The following ATP6V1A variants were observed in gnomAD, a reference collection of about 807,000 sequenced individuals.
ATP6V1A encodes V-type proton ATPase catalytic subunit A.
ATP6V1A carries 18 observed loss-of-function variants against 70.1 expected under a neutral mutation model. The ratio of observed to expected loss-of-function variants is 0.26; its 90% CI spans 0.18 to 0.38. The LOEUF (loss-of-function observed/expected upper bound fraction) is 0.38, where lower values mean the gene tolerates loss of function less well. ATP6V1A is among the 10% of genes least tolerant of loss of function. The pLI, the probability that ATP6V1A is intolerant of heterozygous loss-of-function variation, is 1.00. For synonymous variants in ATP6V1A, 232 were observed against 253.8 expected (o/e 0.91, Z 0.82); for missense variants, 424 against 772.4 (o/e 0.55, Z 5.35).
In ATP6V1A at chr3:113,795,268, A is replaced by C. The variant is rs533424896; in HGVS notation, c.1226+64A>C. ...GTCACAGATGTATTAAAGAGAGAAA[A>C]AAAGTCACTTATTTTAAAGAGAGAA... On this transcript the variant is annotated intron_variant, in intron 10 of 14. Transcript: ENST00000273398. 39 of 1,514,588 alleles carry C rather than the reference A, an allele frequency of 2.6e-5. No homozygotes were observed. In the East Asian group the frequency reaches 8.5e-4, roughly 33 times the overall value. 93.8% of individuals were successfully genotyped at this position (1,514,588 alleles called of 1,614,324 possible). A position where few individuals can be genotyped will look rare whatever the true frequency, so the allele number is the denominator to read the frequency against.
At chr3:113,804,534 T>C (rs1395994351) in intron 13 of ATP6V1A, among the ~76,000 whole-genome samples, 1 of 152,132 alleles carries the variant, frequency 6.6e-6, no homozygotes, top group African/African-American at 2.4e-5. Flanking sequence ...GGTTATCTTT[T>C]CTCCCTCAAA....
chr3:113,789,642 G>A (rs1362371844), intron 7 of ATP6V1A, 90 bp from the exon 8 acceptor site: 2 of 921,668 alleles, frequency 2.2e-6, no homozygotes, highest in Admixed American at 2.4e-5. Flanking sequence ...ATTAAATATG[G>A]GCAAAAGTTT....
intron 1 of ATP6V1A, among the ~76,000 whole-genome samples, chr3:113,778,168 T>C (rs1016841230): frequency 2.0e-5 from 3 of 151,608 alleles, no homozygotes; most frequent in African/African-American, 7.3e-5. Flanking sequence ...CTGAGGTGGG[T>C]GGATCACTTG....
chr3:113,790,951 AG>A (rs1709086172), intron 8 of ATP6V1A, among the ~76,000 whole-genome samples: 1 of 151,932 alleles, frequency 6.6e-6, no homozygotes, highest in Non-Finnish European at 1.5e-5. Flanking sequence ...TTCCTTTTGT[AG>A]GTGATTTTTC....
intron 14 of ATP6V1A, among the ~76,000 whole-genome samples, chr3:113,806,191 A>T (rs1025588458): frequency 6.6e-6 from 1 of 152,060 alleles, no homozygotes; most frequent in African/African-American, 2.4e-5. Context: ...AGGCTGCTGC[A>T]GTGTGCCATG....
chr3:113,769,435 A>G (rs868536003), intron 1 of ATP6V1A, among the ~76,000 whole-genome samples: 3 of 152,212 alleles, frequency 2.0e-5, no homozygotes, highest in South Asian at 4.1e-4. Flanking sequence ...ATTACACTCT[A>G]ATGTAACAAG....
chr3:113,798,498 T>G (rs764952564), intron 12 of ATP6V1A, 52 bp downstream of exon 12: 1 of 1,565,490 alleles, frequency 6.4e-7, no homozygotes, highest in Non-Finnish European at 8.8e-7. Flanking sequence ...ACTGGGGTGT[T>G]TCAAGGACAG....
chr3:113,767,067 ATAG>A (rs1212558018), intron 1 of ATP6V1A, among the ~76,000 whole-genome samples: 2 of 150,722 alleles, frequency 1.3e-5, no homozygotes, highest in African/African-American at 2.4e-5. Flanking sequence ...TACTTAACAA[ATAG>A]TAGTTGATGT....
rs2108029547 is a variant in ATP6V1A, at chr3:113,784,215, T to C, written c.212-9T>C. On this transcript the variant is annotated splice_polypyrimidine_tract_variant and intron_variant, in intron 3 of 14. Coordinates refer to ENST00000273398, the MANE Select transcript of ATP6V1A (RefSeq NM_001690.4). ...TTCATAGTAGGTTTTCCTTAGCTGC[T>C]GTTTTTAGCTGGTGTGTCTGTTGGA... 6.2e-7 allele frequency: 1 copy of C among 1,612,574 alleles called. No individual in the cohort carries two copies. The highest frequency in any genetic ancestry group is 2.2e-5 in the East Asian group (1 of 44,880).
intron 1 of ATP6V1A, among the ~76,000 whole-genome samples, chr3:113,748,067 T>G (rs1356719714): frequency 6.6e-6 from 1 of 152,222 alleles, no homozygotes; most frequent in African/African-American, 2.4e-5. Flanking sequence ...GCACTCCCAA[T>G]CTATTCCTTG....
Position 113,805,514 on chromosome 3 carries a change from A to G in ATP6V1A, c.1750A>G (p.Met584Val), listed in dbSNP as rs1357423611. Residue 584 changes from methionine to valine, a missense_variant, in exon 14 of 15, where the codon ATG becomes GTG. Around this residue, in one of 9 missense-constraint regions of ATP6V1A, gnomAD observed 127 missense variants for 207.9 expected, o/e 0.61. Transcript: ENST00000273398. Reference sequence around the variant, plus strand: ...AGACATCCTCTATAAACTTTCCTCCATGAAATTCAAGGTATATTTTGTTTC... The same window carrying G: ...AGACATCCTCTATAAACTTTCCTCCGTGAAATTCAAGGTATATTTTGTTTC... ...MGDILYKLSS[M>V]KFKDPLKDGE... The G allele has an allele frequency of 6.2e-7, 1 of 1,608,776 alleles. No homozygotes were observed. Among genetic ancestry groups the G allele is most frequent in the Non-Finnish European group, 8.5e-7 (1 of 1,178,140 alleles).
At chr3:113,804,828 G>C (rs553521067) in intron 13 of ATP6V1A, among the ~76,000 whole-genome samples, 2 of 152,178 alleles carry the variant, frequency 1.3e-5, no homozygotes, top group Non-Finnish European at 2.9e-5. Context: ...ATTTGTTCAC[G>C]TGTCTGTTAT....
chr3:113,761,525 T>G (rs1708705187), intron 1 of ATP6V1A, among the ~76,000 whole-genome samples: 2 of 151,898 alleles, frequency 1.3e-5, no homozygotes, highest in African/African-American at 2.4e-5. Context: ...TCACCTGAGG[T>G]CGGGAGTTCA....
intron 1 of ATP6V1A, among the ~76,000 whole-genome samples, chr3:113,772,144 T>A (rs1354774118): frequency 6.6e-6 from 1 of 152,214 alleles, no homozygotes; most frequent in Non-Finnish European, 1.5e-5. Flanking sequence ...CAGGCTGAGA[T>A]GGCTGGGCCT....
chr3:113,761,852 G>GA lies in ATP6V1A; in HGVS notation c.-14+14746dup, dbSNP rs1015265652. ...TTTCCTGCATGATTGCCTGAATTTT[G>GA]AAAAAAATTGGTAAAGTTGGCTGGG... On this transcript the variant is annotated intron_variant, in intron 1 of 14. Coordinates refer to ENST00000273398, the MANE Select transcript of ATP6V1A (RefSeq NM_001690.4). Among the ~76,000 whole-genome samples, 16 of 131,604 alleles carry GA rather than the reference G, an allele frequency of 1.2e-4. 1 individual carries two copies. The highest frequency in any genetic ancestry group is 3.4e-4 in the African/African-American group (12 of 35,542). The allele number at this position is 131,604 out of a possible 152,430, so 86.3% of individuals were successfully genotyped here.
At chr3:113,762,076 C>A (rs1350269474) in intron 1 of ATP6V1A, among the ~76,000 whole-genome samples, 1 of 129,646 alleles carries the variant, frequency 7.7e-6, no homozygotes, top group Non-Finnish European at 1.7e-5. Flanking sequence ...TGCTTGAACC[C>A]GGGAGGCAGA....
At chr3:113,807,180 T>A (rs1468760399) in intron 14 of ATP6V1A, among the ~76,000 whole-genome samples, 1 of 136,720 alleles carries the variant, frequency 7.3e-6, no homozygotes, top group Non-Finnish European at 1.6e-5. Flanking sequence ...TTTTCTTTTT[T>A]TTTCTTTTTT....
intron 14 of ATP6V1A, among the ~76,000 whole-genome samples, chr3:113,809,019 G>A (rs1402625323): frequency 6.6e-6 from 1 of 152,060 alleles, no homozygotes; most frequent in Non-Finnish European, 1.5e-5. Context: ...GGAGGCCGAG[G>A]CAAGTGGATC....
Position 113,798,898 on chromosome 3 carries a change from G to A in ATP6V1A, c.1494+452G>A, listed in dbSNP as rs141851935. On this transcript the variant is annotated intron_variant, in intron 12 of 14. Coordinates refer to ENST00000273398, the MANE Select transcript of ATP6V1A (RefSeq NM_001690.4). Reference sequence around the variant, plus strand: ...AATGCCAGAATGAAAAGACTTCTCAGATAGTATGCAATGCTAGTTAGTACT... The same window carrying A: ...AATGCCAGAATGAAAAGACTTCTCAAATAGTATGCAATGCTAGTTAGTACT... 5.9e-3 allele frequency among the ~76,000 whole-genome samples: 900 copies of A among 152,308 alleles called. 14 individuals are homozygous for A. Among genetic ancestry groups the A allele is most frequent in the African/African-American group, 0.021 (857 of 41,570 alleles).
Sources: gnomAD v4.1 joint callset for allele counts (sites outside exome capture counted in the v4.1 genomes callset) on GRCh38, gnomAD v4.1.1 for gene constraint, gnomAD v4.1.1 regional missense constraint, MANE v1.5 for transcripts, NCBI Gene and HGNC (gene_info 2026-07-23, HGNC 2026-07-21) for gene names.